The following MALRD1 variants were observed in gnomAD, a reference collection of about 807,000 sequenced individuals.
MALRD1 encodes MAM and LDL-receptor class A domain-containing protein 1.
Under a neutral mutation model 242.1 loss-of-function variants are expected in MALRD1, and 247 were observed. That is an observed-to-expected ratio of 1.02 (90% confidence interval 0.92 to 1.13). MALRD1 has a LOEUF of 1.13. Among genes scored for constraint, MALRD1 ranks in the 50% most tolerant of loss-of-function variants. MALRD1 has a pLI of 0.00. For missense variants in MALRD1, 2,989 were observed against 2,533.1 expected, an observed-to-expected ratio of 1.18 and a Z score of -3.86; for synonymous variants, 995 against 866.6, an observed-to-expected ratio of 1.15 and a Z score of -2.60.
chr10:19,222,189 G>T (rs891000050), intron 18 of MALRD1, among the ~76,000 whole-genome samples: 3 of 150,700 alleles, frequency 2.0e-5, no homozygotes, highest in African/African-American at 4.9e-5. Context: ...TCTTCCCTTA[G>T]TTCCCCTGGA....
At chr10:19,598,415 C>T (rs984630640) in intron 34 of MALRD1, 9 of 151,562 alleles carry the variant, frequency 5.9e-5, no homozygotes, top group African/African-American at 2.2e-4. Context: ...TGATTATGTC[C>T]TTCTCTTCCT....
chr10:19,633,722 A>G (rs930818169), intron 36 of MALRD1: 3 of 152,172 alleles, frequency 2.0e-5, no homozygotes, highest in African/African-American at 7.2e-5. Context: ...CTTCCCATTC[A>G]GGTAGTAACC....
At chr10:19,402,375 C>CG (rs1846898217) in intron 28 of MALRD1, among the ~76,000 whole-genome samples, 1 of 152,088 alleles carries the variant, frequency 6.6e-6, no homozygotes, top group South Asian at 2.1e-4. Context: ...CATTGAATCA[C>CG]GGGGGTGATT....
At chr10:19,484,776 G>A (rs1343690564) in intron 29 of MALRD1, among the ~76,000 whole-genome samples, 1 of 151,726 alleles carries the variant, frequency 6.6e-6, no homozygotes. Context: ...ATTTCTTAAA[G>A]TACTAAAGGT....
intron 31 of MALRD1, among the ~76,000 whole-genome samples, chr10:19,530,651 G>T (rs1191505589): frequency 2.6e-5 from 4 of 151,212 alleles, no homozygotes; most frequent in Non-Finnish European, 4.4e-5. Context: ...ATCCAATTGT[G>T]TTTAAATGCA....
chr10:19,300,803 A>G (rs1376622940), intron 21 of MALRD1, among the ~76,000 whole-genome samples: 1 of 152,102 alleles, frequency 6.6e-6, no homozygotes, highest in African/African-American at 2.4e-5. Context: ...ATACCCTGGC[A>G]AAGATTTCAT....
intron 36 of MALRD1, among the ~76,000 whole-genome samples, chr10:19,645,520 C>A (rs1840614032): frequency 6.6e-6 from 1 of 152,162 alleles, no homozygotes; most frequent in Admixed American, 6.5e-5. Flanking sequence ...AAATGTCACA[C>A]ATACACACTG....
At chr10:19,365,689 C>CT (rs1845080985) in intron 26 of MALRD1, among the ~76,000 whole-genome samples, 1 of 68,410 alleles carries the variant, frequency 1.5e-5, no homozygotes, top group Non-Finnish European at 3.0e-5. Context: ...AAAAAAAAAA[C>CT]AAGCTACTAT....
chr10:19,573,608 C>A (rs7912384), intron 33 of MALRD1, among the ~76,000 whole-genome samples: 3,701 of 152,160 alleles, frequency 0.024, 127 homozygotes, highest in African/African-American at 0.075. Context: ...AAAAATTTTC[C>A]TTACGCTTAC....
intron 33 of MALRD1, among the ~76,000 whole-genome samples, chr10:19,580,138 C>T (rs931245724): frequency 6.6e-6 from 1 of 152,118 alleles, no homozygotes; most frequent in Non-Finnish European, 1.5e-5. Context: ...GGCCAGCAAC[C>T]ACACTCCTTT....
intron 29 of MALRD1, among the ~76,000 whole-genome samples, chr10:19,472,313 C>A (rs1238564768): frequency 6.6e-6 from 1 of 151,880 alleles, no homozygotes; most frequent in Non-Finnish European, 1.5e-5. Flanking sequence ...TAGAGCTTTG[C>A]TGAGGATTTT....
Position 19,347,929 on chromosome 10 carries a change from A to T in MALRD1, c.4060A>T (p.Ile1354Phe), listed in dbSNP as rs1027985505. The part of the protein sequence containing the change: ...HTLGNSSGHY[I>F]FIKSLFPQQP... ...TTTGGGAAATTCATCTGGTCATTAC[A>T]TCTTTATAAAGAGTTTGTTTCCTCA... Residue 1354 changes from isoleucine to phenylalanine, a missense_variant, in exon 25 of 40, where the codon ATC becomes TTC. Physicochemically the swap from Ile to Phe is conservative, Grantham distance 21 (BLOSUM62 0). Transcript: ENST00000454679. The T allele has an allele frequency of 2.6e-6, 4 of 1,550,204 alleles. No individual in the cohort carries two copies. The highest frequency in any genetic ancestry group is 1.4e-5 in the African/African-American group (1 of 73,004).
rs1836717170 is a variant in MALRD1 at position 19,204,879 on chromosome 10, T to C, written c.2211-19T>C. On this transcript the variant is annotated intron_variant, in intron 16 of 39. Transcript: ENST00000454679. Reference sequence around the variant, plus strand: ...TATTCTATAAATCACTTCCATTTCTTACGTTTACTCTTTTTTAGGTTCTAT... The same window carrying C: ...TATTCTATAAATCACTTCCATTTCTCACGTTTACTCTTTTTTAGGTTCTAT... 6.6e-7 allele frequency: 1 copy of C among 1,519,596 alleles called. No homozygotes were observed. The highest frequency in any genetic ancestry group is 1.4e-5 in the African/African-American group (1 of 71,738). 94.1% of individuals were successfully genotyped at this position (1,519,596 alleles called of 1,614,324 possible).
intron 2 of MALRD1, among the ~76,000 whole-genome samples, chr10:19,082,011 T>C (rs1008862979): frequency 1.3e-5 from 2 of 151,940 alleles, no homozygotes; most frequent in African/African-American, 4.8e-5. Context: ...ATAATTATGA[T>C]TATACCTATC....
At chr10:19,562,691 G>A (rs1836038433) in intron 32 of MALRD1, among the ~76,000 whole-genome samples, 1 of 152,078 alleles carries the variant, frequency 6.6e-6, no homozygotes, top group Admixed American at 6.6e-5. Flanking sequence ...GGCCTGTTAG[G>A]AACCAGTTTG....
At chr10:19,572,644 T>C (rs1836618657) in intron 33 of MALRD1, among the ~76,000 whole-genome samples, 1 of 152,146 alleles carries the variant, frequency 6.6e-6, no homozygotes, top group Non-Finnish European at 1.5e-5. Context: ...GTGATCCCAT[T>C]TAGAAATAGG....
chr10:19,163,417 C>T (rs768958312), intron 12 of MALRD1, among the ~76,000 whole-genome samples: 4 of 150,674 alleles, frequency 2.7e-5, no homozygotes, highest in Non-Finnish European at 5.9e-5. Context: ...AACCAAATAC[C>T]GCACGTTCTC....
At position 19,205,252 on chromosome 10, in the gene MALRD1, T is replaced by A; in HGVS notation, c.2565T>A (p.Asp855Glu). ...DLVDDCGDRT[D>E]EVNCAPELQC... ...TGGATGACTGTGGTGATCGTACTGA[T>A]GAAGTCAACTGTGGTAAGTTCTTTT... Residue 855 changes from aspartate (D) to glutamate (E), a missense_variant, in exon 17 of 40, where the codon GAT (aspartate) becomes GAA (glutamate). Transcript: ENST00000454679. 6.5e-7 allele frequency: 1 copy of A among 1,546,876 alleles called. No individual in the cohort carries two copies. Among genetic ancestry groups the A allele is most frequent in the Non-Finnish European group, 8.7e-7 (1 of 1,144,986 alleles).
chr10:19,430,166 G>A (rs1452914187), intron 28 of MALRD1, among the ~76,000 whole-genome samples: 2 of 139,936 alleles, frequency 1.4e-5, no homozygotes, highest in African/African-American at 2.8e-5. Context: ...CCAGGCTGGA[G>A]TGCAGTGGCA....
Sources: allele counts gnomAD v4.1 joint callset (sites outside exome capture counted in the v4.1 genomes callset), GRCh38; gene constraint gnomAD v4.1.1; transcripts MANE v1.5; gene names NCBI Gene and HGNC (gene_info 2026-07-23, HGNC 2026-07-21).